ZNF775: variants seen among roughly 807,000 people sequenced by gnomAD.
ZNF775 encodes the protein zinc finger protein 775.
ZNF775 carries 1 observed loss-of-function variant against 2.4 expected under a neutral mutation model. The ratio of observed to expected loss-of-function variants is 0.41; its 90% confidence interval spans 0.15 to 1.94. The LOEUF (loss-of-function observed/expected upper bound fraction) is 1.94. Ranked by LOEUF, ZNF775 falls within the 30% of genes most tolerant of loss-of-function variation. The pLI is 0.30. For synonymous variants in ZNF775, 381 were observed against 373.3 expected (o/e 1.02, Z -0.24); for missense variants, 823 against 826.6 (o/e 1.00, Z 0.05).
Position 150,382,223 on chromosome 7 carries a change from G to C in ZNF775, c.-50+2831G>C, listed in dbSNP as rs1800377067. ...TGAGATTCCCAACTGGCTGGAAGGA[G>C]TGATGGCTTAGGAGGAGTGAGTGGC... On this transcript the variant is annotated intron_variant, in intron 1 of 2. Transcript: ENST00000329630. The surrounding 1 kb of genome is among the most constrained non-coding windows in gnomAD (Gnocchi z 4.6). 6.6e-6 allele frequency among the ~76,000 whole-genome samples: 1 copy of C among 152,204 alleles called. No individual in the cohort carries two copies. The highest frequency in any genetic ancestry group is 6.5e-5 in the Admixed American group (1 of 15,288).
intron 2 of ZNF775, among the ~76,000 whole-genome samples, chr7:150,389,675 C>T (rs541918714): frequency 2.0e-5 from 3 of 152,294 alleles, no homozygotes; most frequent in Admixed American, 6.5e-5. Flanking sequence ...CTCCTCTCTA[C>T]GGCAGCTTCT....
intron 1 of ZNF775, among the ~76,000 whole-genome samples, chr7:150,380,563 G>A (rs1043402414): frequency 6.6e-6 from 1 of 152,184 alleles, no homozygotes; most frequent in Non-Finnish European, 1.5e-5. Flanking sequence ...GGCCTTCCAA[G>A]GTTGGTCACA....
Position 150,398,003 on chromosome 7 carries a change from G to T in ZNF775, c.1522G>T (p.Gly508Cys), listed in dbSNP as rs1365935189. ...GERPYLCPAC[G>C]RGFSQKQHLL... ...GCGGCCCTACCTGTGTCCCGCCTGC[G>T]GCCGCGGCTTCAGCCAGAAGCAGCA... The change falls in exon 3 of 3, where the codon GGC (glycine) becomes TGC (cysteine). Residue 508 changes from glycine to cysteine, a missense_variant. By Grantham distance (159) the Gly-to-Cys change is radical. Coordinates refer to ENST00000329630, the MANE Select transcript of ZNF775 (RefSeq NM_173680.4). The T allele has an allele frequency of 1.3e-6, 2 of 1,588,884 alleles. No homozygotes were observed. The highest frequency in any genetic ancestry group is 2.3e-5 in the East Asian group (1 of 44,116).
At chr7:150,386,707 G>C (rs1009710068) in intron 1 of ZNF775, among the ~76,000 whole-genome samples, 6 of 152,166 alleles carry the variant, frequency 3.9e-5, no homozygotes, top group African/African-American at 1.4e-4. Context: ...GCTCTGCTAG[G>C]GGGTACAGGT....
chr7:150,396,242 G>A (rs56333034), intron 2 of ZNF775, among the ~76,000 whole-genome samples: 60,307 of 151,830 alleles, frequency 0.4, 12,800 homozygotes, highest in Admixed American at 0.48. Context: ...ATTCACTTAC[G>A]GTTCCTTTCT....
At position 150,397,689 on chromosome 7, in the gene ZNF775, A is replaced by G; in HGVS notation, c.1208A>G (p.Gln403Arg). The G allele has an allele frequency of 7.4e-7, 1 of 1,347,442 alleles. No individual in the cohort carries two copies. Among genetic ancestry groups the G allele is most frequent in the Non-Finnish European group, 9.5e-7 (1 of 1,056,530 alleles). 83.5% of individuals were successfully genotyped at this position (1,347,442 alleles called of 1,614,324 possible). Residue 403 changes from glutamine to arginine, a missense_variant, in exon 3 of 3, where the codon CAG (glutamine) becomes CGG (arginine). Physicochemically the swap from Gln to Arg is conservative, Grantham distance 43. Transcript: ENST00000329630. The stretch of plus-strand genomic sequence containing the variant: ...GTTCCGGCCGGGGAACCGGGCGACC[A>G]GCCGCAGGCCGAGGCCATCCCGGGC... ...PAVPAGEPGD[Q>R]PQAEAIPGLA...
At position 150,397,296 on chromosome 7, in the gene ZNF775, C is replaced by A. The variant is rs1415657513; in HGVS notation, c.815C>A (p.Pro272His). The A allele has an allele frequency of 6.4e-7, 1 of 1,554,932 alleles. No homozygotes were observed. The highest frequency in any genetic ancestry group is 8.7e-7 in the Non-Finnish European group (1 of 1,155,906). Residue 272 changes from proline (P) to histidine (H), a missense_variant, in exon 3 of 3, where the codon CCC becomes CAC. By Grantham distance (77) the Pro-to-His change is moderately conservative (BLOSUM62 -2). Transcript: ENST00000329630. Reference protein sequence around the residue: ...QPGARAAVSGPEGPGEPRQFI... With the variant: ...QPGARAAVSGHEGPGEPRQFI... ...GGGGCCCGGGCCGCGGTCTCCGGCC[C>A]CGAGGGGCCGGGCGAGCCGCGCCAG... is the stretch of plus-strand genomic sequence containing the variant.
At chr7:150,392,108 G>C (rs776329630) in intron 2 of ZNF775, among the ~76,000 whole-genome samples, 2 of 152,062 alleles carry the variant, frequency 1.3e-5, no homozygotes, top group Non-Finnish European at 2.9e-5. Flanking sequence ...TGTTTAAGAA[G>C]GCTTTTAATT....
chr7:150,396,780 T>C lies in ZNF775; in HGVS notation c.299T>C (p.Leu100Pro), dbSNP rs1271326878. 4 of 1,594,744 alleles carry C rather than the reference T, an allele frequency of 2.5e-6. No homozygotes were observed. The highest frequency in any genetic ancestry group is 3.4e-6 in the Non-Finnish European group (4 of 1,171,774). ...GSASGPLSPS[L>P]SSGEGHFVCL... ...GCCTCCGGCCCCCTGAGCCCCTCGC[T>C]TTCCTCCGGCGAGGGTCACTTTGTA... The change falls in exon 3 of 3, where the codon CTT becomes CCT. Residue 100 changes from leucine (L) to proline (P), a missense_variant. Physicochemically the swap from Leu to Pro is moderately conservative, Grantham distance 98. Transcript: ENST00000329630.
intron 2 of ZNF775, among the ~76,000 whole-genome samples, chr7:150,395,920 T>G (rs1800638431): frequency 6.6e-6 from 1 of 152,004 alleles, no homozygotes; most frequent in South Asian, 2.1e-4. Context: ...GCAGGTGAAG[T>G]GCTCCCCCGC....
rs1317837893 is a variant in ZNF775 at position 150,397,958 on chromosome 7, C to T, written c.1477C>T (p.Arg493Trp). 2.5e-6 allele frequency: 4 copies of T among 1,599,710 alleles called. No individual in the cohort carries two copies. The highest frequency in any genetic ancestry group is 1.7e-5 in the Admixed American group (1 of 59,678). ...CCAGAAGCCCAACCTGACGCGGCAC[C>T]GGCGCAACCACACAGGCGAGCGGCC... ...FSQKPNLTRHRRNHTGERPYL... is the reference protein window; with the variant it reads ...FSQKPNLTRHWRNHTGERPYL... Residue 493 changes from arginine (R) to tryptophan (W), a missense_variant, in exon 3 of 3, where the codon CGG (arginine) becomes TGG (tryptophan). Coordinates refer to ENST00000329630, the MANE Select transcript of ZNF775 (RefSeq NM_173680.4).
chr7:150,398,375 G>A lies in ZNF775; in HGVS notation c.*280G>A, dbSNP rs1800723628. ...GGTTGGACCCCAGGCTTCAAGCACC[G>A]AGTGAGGGGTCTGTTGGGGACGCTG... On this transcript the variant is annotated 3_prime_UTR_variant, in exon 3 of 3. Transcript: ENST00000329630. 1 of 531,106 alleles carries A rather than the reference G, an allele frequency of 1.9e-6. No homozygotes were observed. 32.9% of individuals were successfully genotyped at this position (531,106 alleles called of 1,614,324 possible).
chr7:150,396,707 C>A lies in ZNF775; in HGVS notation c.226C>A (p.Pro76Thr), dbSNP rs759623914. The A allele has an allele frequency of 6.2e-7, 1 of 1,602,376 alleles. No individual in the cohort carries two copies. Among genetic ancestry groups the A allele is most frequent in the South Asian group, 1.1e-5 (1 of 89,292 alleles). ...GGAGTCTGGGAGTCCAAGGTGGGCCCCTCCCACTGAGCAGGATGCGGGGCT... is the reference window on the plus strand; with the variant it reads ...GGAGTCTGGGAGTCCAAGGTGGGCCACTCCCACTGAGCAGGATGCGGGGCT... ...QEESGSPRWA[P>T]PTEQDAGLAG... The change falls in exon 3 of 3, where the codon CCT (proline) becomes ACT (threonine). Residue 76 changes from proline (P) to threonine (T), a missense_variant. Coordinates refer to ENST00000329630, the MANE Select transcript of ZNF775 (RefSeq NM_173680.4).
intron 1 of ZNF775, chr7:150,383,864 G>C (rs545362529): frequency 1.4e-4 from 22 of 152,802 alleles, no homozygotes; most frequent in Non-Finnish European, 2.6e-4. Flanking sequence ...GCTGTGCTGG[G>C]CTGGTGGGAG....
intron 2 of ZNF775, among the ~76,000 whole-genome samples, chr7:150,389,859 TTGTGTGTGTGTG>T (rs71196708): frequency 0.014 from 1,947 of 138,786 alleles, 37 homozygotes; most frequent in South Asian, 0.023. Context: ...TAATTTTTAT[TTGTGTGTGTGTG>T]TGTGTGTGTG....
chr7:150,386,478 C>T (rs1314026351), intron 1 of ZNF775, among the ~76,000 whole-genome samples: 1 of 152,146 alleles, frequency 6.6e-6, no homozygotes, highest in African/African-American at 2.4e-5. Context: ...GGTCCAGATT[C>T]CCAGTCTGTG....
At position 150,397,181 on chromosome 7, in the gene ZNF775, C is replaced by CGCCGGGCCTGTCGCCTGCA; in HGVS notation, c.707_725dup (p.Pro243LeufsTer137). On this transcript the variant is annotated frameshift_variant, in exon 3 of 3. Coordinates refer to ENST00000329630, the MANE Select transcript of ZNF775 (RefSeq NM_173680.4). LOFTEE classifies it low-confidence loss of function (END_TRUNC). ...CGAGCTGATTCAGGACGCGGCGGCGCGCCGGGCCTGTCGCCTGCAGCCGGG... is the reference window on the plus strand; with the variant it reads ...CGAGCTGATTCAGGACGCGGCGGCGCGCCGGGCCTGTCGCCTGCAGCCGGGCCTGTCGCCTGCAGCCGGG... 7.9e-7 allele frequency: 1 copy of CGCCGGGCCTGTCGCCTGCA among 1,261,084 alleles called. No homozygotes were observed. Among genetic ancestry groups the CGCCGGGCCTGTCGCCTGCA allele is most frequent in the Non-Finnish European group, 1.0e-6 (1 of 1,004,440 alleles). 78.1% of individuals were successfully genotyped at this position (1,261,084 alleles called of 1,614,324 possible).
At chr7:150,380,650 A>G (rs1235931797) in intron 1 of ZNF775, among the ~76,000 whole-genome samples, 1 of 152,158 alleles carries the variant, frequency 6.6e-6, no homozygotes, top group Non-Finnish European at 1.5e-5. Context: ...AGATGAGCAG[A>G]GTTGAGTTCT....
At position 150,398,020 on chromosome 7, in the gene ZNF775, G is replaced by A. The variant is rs776204916; in HGVS notation, c.1539G>A (p.Gln513=). 7 of 1,582,154 alleles carry A rather than the reference G, an allele frequency of 4.4e-6. No homozygotes were observed. Among genetic ancestry groups the A allele is most frequent in the East Asian group, 2.3e-5 (1 of 43,816 alleles). ...CCGCCTGCGGCCGCGGCTTCAGCCA[G>A]AAGCAGCACCTGCTCAAGCACCAGC... The part of the protein sequence containing the change: ...LCPACGRGFS[Q]KQHLLKHQRV... The change falls in exon 3 of 3, where the codon CAG becomes CAA. Residue 513 remains glutamine, a synonymous_variant. Transcript: ENST00000329630.
Sources: allele counts gnomAD v4.1 joint callset (sites outside exome capture counted in the v4.1 genomes callset), GRCh38; gene constraint gnomAD v4.1.1; non-coding constraint Gnocchi (gnomAD v3.1); transcripts MANE v1.5; gene names NCBI Gene and HGNC (gene_info 2026-07-23, HGNC 2026-07-21).